Variants in IQCH observed in about 807,000 individuals in gnomAD.
The protein encoded by IQCH is IQ motif containing H, also known as IQ domain-containing protein H.
A neutral mutation model predicts 117.0 loss-of-function variants in IQCH; 98 were observed. That is an observed-to-expected ratio of 0.84 (90% CI 0.71 to 0.99). The LOEUF (loss-of-function observed/expected upper bound fraction) is 0.99, where lower values mean the gene tolerates loss of function less well. IQCH is among the 50% of genes least tolerant of loss of function. IQCH has a pLI of 0.00. For synonymous variants in IQCH, 412 were observed against 448.2 expected (o/e 0.92, Z 1.02); for missense variants, 1,102 against 1,243.8 (o/e 0.89, Z 1.72).
intron 3 of IQCH, among the ~76,000 whole-genome samples, chr15:67,275,383 CT>C (rs1175993899): frequency 6.6e-6 from 1 of 151,946 alleles, no homozygotes; most frequent in Non-Finnish European, 1.5e-5. Flanking sequence ...AGTTTTTTCC[CT>C]TCTCCATGAC....
At position 67,421,729 on chromosome 15, in the gene IQCH, C is replaced by G; in HGVS notation, c.2505+152C>G. 3 of 769,776 alleles carry G rather than the reference C, an allele frequency of 3.9e-6. No homozygotes were observed. In the South Asian group the frequency reaches 5.5e-5, roughly 14 times the overall value. The allele number at this position is 769,776 out of a possible 1,614,324, so 47.7% of individuals were successfully genotyped here. ...AAATTCAACACCTATATGGCCCATG[C>G]GAATCCAAGTGGGACCAGGCTTTAT... On this transcript the variant is annotated intron_variant, in intron 16 of 20. Coordinates refer to ENST00000335894, the MANE Select transcript of IQCH (RefSeq NM_001031715.3).
At chr15:67,277,536 T>C (rs1966175084) in intron 3 of IQCH, among the ~76,000 whole-genome samples, 1 of 147,124 alleles carries the variant, frequency 6.8e-6, no homozygotes, top group East Asian at 2.0e-4. Context: ...GTATCTTTTT[T>C]TTTTTTTTTT....
chr15:67,312,735 A>G (rs1417711835), intron 4 of IQCH, among the ~76,000 whole-genome samples: 1 of 152,182 alleles, frequency 6.6e-6, no homozygotes, highest in Non-Finnish European at 1.5e-5. Flanking sequence ...AAATGAAGCA[A>G]AGGAAAAATA....
chr15:67,305,041 T>C (rs976162804), intron 4 of IQCH, among the ~76,000 whole-genome samples: 3 of 152,132 alleles, frequency 2.0e-5, no homozygotes, highest in African/African-American at 7.2e-5. Context: ...TTGTACTCTA[T>C]GTTGTGGAGT....
rs2082042068 is a variant in IQCH at position 67,432,524 on chromosome 15, C to T, written c.2505+10947C>T. Among the ~76,000 whole-genome samples the T allele has an allele frequency of 6.6e-6, 1 of 152,194 alleles. No individual in the cohort carries two copies. The highest frequency in any genetic ancestry group is 2.4e-5 in the African/African-American group (1 of 41,448). ...ACTGGTAAATTCCTGCCCTCTTCCT[C>T]ACAGTATGTTCTGAGAGGCTAAGCA... On this transcript the variant is annotated intron_variant, in intron 16 of 20. Coordinates refer to ENST00000335894, the MANE Select transcript of IQCH (RefSeq NM_001031715.3). The surrounding 1 kb of genome is among the most constrained non-coding windows in gnomAD (Gnocchi z 5.0).
At chr15:67,448,375 G>A (rs1280898789) in intron 16 of IQCH, among the ~76,000 whole-genome samples, 3 of 58,662 alleles carry the variant, frequency 5.1e-5, no homozygotes, top group Non-Finnish European at 1.0e-4. Context: ...CCCTCCCCCC[G>A]CCCCCCACCC....
At chr15:67,287,306 CTCT>C (rs1966599552) in intron 4 of IQCH, among the ~76,000 whole-genome samples, 1 of 152,062 alleles carries the variant, frequency 6.6e-6, no homozygotes, top group African/African-American at 2.4e-5. Context: ...GAAGTATTTC[CTCT>C]TCTTCTGTTT....
intron 8 of IQCH, 140 bp downstream of exon 8, chr15:67,360,025 T>C (rs1596255607): frequency 3.1e-6 from 2 of 647,390 alleles, no homozygotes; most frequent in East Asian, 5.6e-5. Flanking sequence ...TAAAAGAAAT[T>C]AGATCATGGT....
At chr15:67,358,410 G>T (rs545501447) in intron 7 of IQCH, among the ~76,000 whole-genome samples, 1 of 150,714 alleles carries the variant, frequency 6.6e-6, no homozygotes, top group Non-Finnish European at 1.5e-5. Flanking sequence ...TGGCCAGGCT[G>T]GTCTCGAACT....
chr15:67,272,582 T>G (rs1281369263), intron 3 of IQCH, among the ~76,000 whole-genome samples: 1 of 152,236 alleles, frequency 6.6e-6, no homozygotes, highest in Non-Finnish European at 1.5e-5. Flanking sequence ...TCTGTTACAA[T>G]GTTTGCCTTA....
chr15:67,288,522 T>C (rs903252819), intron 4 of IQCH, among the ~76,000 whole-genome samples: 7 of 152,178 alleles, frequency 4.6e-5, no homozygotes, highest in African/African-American at 1.7e-4. Flanking sequence ...TCTCTTCTTA[T>C]AGTTTTTGTC....
In IQCH at chr15:67,443,582, A is replaced by G. The variant is rs1437294918; in HGVS notation, c.2506-21545A>G. On this transcript the variant is annotated intron_variant, in intron 16 of 20. Transcript: ENST00000335894. The surrounding 1 kb of genome is among the most constrained non-coding windows in gnomAD (Gnocchi z 5.0). ...ACCCCAGTAACTTATGGACTAAAAT[A>G]AAATAAATAAATGCATTATCGTCCT... 6.6e-6 allele frequency among the ~76,000 whole-genome samples: 1 copy of G among 152,196 alleles called. No homozygotes were observed. The highest frequency in any genetic ancestry group is 2.4e-5 in the African/African-American group (1 of 41,438).
chr15:67,322,880 T>G (rs538362687), intron 4 of IQCH, among the ~76,000 whole-genome samples: 74 of 152,128 alleles, frequency 4.9e-4, no homozygotes, highest in Admixed American at 1.5e-3. Context: ...TGTGTGCTGA[T>G]TGGTTTGTGA....
intron 4 of IQCH, among the ~76,000 whole-genome samples, chr15:67,310,250 A>C (rs977398864): frequency 6.6e-6 from 1 of 152,072 alleles, no homozygotes; most frequent in Non-Finnish European, 1.5e-5. Flanking sequence ...TTGATGCCAA[A>C]TTTTAATGCA....
intron 13 of IQCH, 60 bp from the exon 14 acceptor site, chr15:67,400,054 A>G: frequency 7.1e-7 from 1 of 1,399,604 alleles, no homozygotes. Flanking sequence ...AGTTGTTACG[A>G]TAAAAAGGAA....
chr15:67,304,353 G>C lies in IQCH; in HGVS notation c.387+24841G>C, dbSNP rs1376425049. 13 of 1,520,608 alleles carry C rather than the reference G, an allele frequency of 8.5e-6. No homozygotes were observed. The East Asian group carries it at 2.5e-4, about 29-fold the overall frequency. The allele number at this position is 1,520,608 out of a possible 1,614,324, so 94.2% of individuals were successfully genotyped here. On this transcript the variant is annotated intron_variant, in intron 4 of 20. Coordinates refer to ENST00000335894, the MANE Select transcript of IQCH (RefSeq NM_001031715.3). ...CTTTGTTTCAGCGAAAGATAGGGTTGAATGTAAAAATCTTGCAGGATCCTG... is the reference window on the plus strand; with the variant it reads ...CTTTGTTTCAGCGAAAGATAGGGTTCAATGTAAAAATCTTGCAGGATCCTG...
rs1281742593 is a variant in IQCH at position 67,496,211 on chromosome 15, G to C, written c.2970+1845G>C. 2.0e-5 allele frequency among the ~76,000 whole-genome samples: 3 copies of C among 152,012 alleles called. No individual in the cohort carries two copies. The highest frequency in any genetic ancestry group is 2.0e-4 in the Admixed American group (3 of 15,256). On this transcript the variant is annotated intron_variant, in intron 20 of 20. Coordinates refer to ENST00000335894, the MANE Select transcript of IQCH (RefSeq NM_001031715.3). The surrounding 1 kb of genome is among the most constrained non-coding windows in gnomAD (Gnocchi z 4.4). The stretch of plus-strand genomic sequence containing the variant: ...TCATGCCTGTAGTCCCAGCTACTTG[G>C]GGGGCTGAGGTGGGAGAATCATTTG...
intron 10 of IQCH, chr15:67,374,102 C>T (rs192340754): frequency 9.2e-5 from 14 of 152,246 alleles, no homozygotes; most frequent in African/African-American, 2.9e-4. Flanking sequence ...AAAGGTATGC[C>T]AAAATGACAT....
At position 67,467,138 on chromosome 15, in the gene IQCH, ACT is replaced by A. The variant is rs2082953433; in HGVS notation, c.2676+1842_2676+1843del. 1 of 152,408 alleles carries A rather than the reference ACT, an allele frequency of 6.6e-6. No individual in the cohort carries two copies. Among genetic ancestry groups the A allele is most frequent in the South Asian group, 2.1e-4 (1 of 4,838 alleles). 9.4% of individuals were successfully genotyped at this position (152,408 alleles called of 1,614,324 possible). On this transcript the variant is annotated intron_variant, in intron 17 of 20. Coordinates refer to ENST00000335894, the MANE Select transcript of IQCH (RefSeq NM_001031715.3). This position sits in a 1 kb window ranked among gnomAD's most constrained non-coding sequence, Gnocchi z 5.7. ...CTGGGAAGGCTGAGGCAGGAGGATC[ACT>A]TGAGCCCTGGAGGTCGAGGCTGCAG... is the stretch of plus-strand genomic sequence containing the variant.
Sources: allele counts gnomAD v4.1 joint callset (sites outside exome capture counted in the v4.1 genomes callset), GRCh38; gene constraint gnomAD v4.1.1; non-coding constraint Gnocchi (gnomAD v3.1); transcripts MANE v1.5; gene names NCBI Gene and HGNC (gene_info 2026-07-23, HGNC 2026-07-21).